TMEM114: variants seen among roughly 807,000 people sequenced by gnomAD.
TMEM114 encodes claudin-26.
In TMEM114, 6 loss-of-function variants were observed where a neutral mutation model predicts 6.2. The observed-to-expected ratio is 0.97, with a 90% CI of 0.53 to 1.91. The LOEUF (loss-of-function observed/expected upper bound fraction) is 1.91. Ranked by LOEUF, TMEM114 falls within the 40% of genes most tolerant of loss-of-function variation. The pLI, the probability that TMEM114 is intolerant of heterozygous loss-of-function variation, is 0.01. For synonymous variants in TMEM114, 104 were observed against 73.0 expected (o/e 1.42, Z -2.16); for missense variants, 218 against 158.3 (o/e 1.38, Z -2.02).
At chr16:8,580,542 A>T (rs1004709972) in intron 2 of TMEM114, among the ~76,000 whole-genome samples, 1 of 151,094 alleles carries the variant, frequency 6.6e-6, no homozygotes, top group African/African-American at 2.4e-5. Flanking sequence ...CCTCTTGGCC[A>T]CCCCAAGCCC....
downstream of TMEM114, among the ~76,000 whole-genome samples, chr16:8,566,782 A>G (rs1901560255): frequency 6.6e-6 from 1 of 151,326 alleles, no homozygotes; most frequent in Non-Finnish European, 1.5e-5. Context: ...CAGTTTCCCT[A>G]CCTACAGGTT....
In TMEM114 at chr16:8,569,643, G is replaced by T. The variant is rs1005704588; in HGVS notation, c.*130C>A. 1.4e-6 allele frequency: 2 copies of T among 1,439,014 alleles called. No homozygotes were observed. Among genetic ancestry groups the T allele is most frequent in the South Asian group, 1.5e-5 (1 of 67,528 alleles). The allele number at this position is 1,439,014 out of a possible 1,614,324, so 89.1% of individuals were successfully genotyped here. A position where few individuals can be genotyped will look rare whatever the true frequency, so the allele number is the denominator to read the frequency against. ...CCAAGCTTAGTCCGCGGGGATTTGTGGGGGAAGGAGGGGGGTGCCTGGCCT... is the reference window on the plus strand; with the variant it reads ...CCAAGCTTAGTCCGCGGGGATTTGTTGGGGAAGGAGGGGGGTGCCTGGCCT... On this transcript the variant is annotated 3_prime_UTR_variant, in exon 4 of 4. Transcript: ENST00000620492.
At chr16:8,536,129 G>A (rs1183996922), downstream of TMEM114, among the ~76,000 whole-genome samples, 2 of 151,822 alleles carry the variant, frequency 1.3e-5, no homozygotes, top group African/African-American at 2.4e-5. Flanking sequence ...GGAGGCTGAG[G>A]CAGGACAATC....
chr16:8,564,212 A>C (rs1252450267), intron 2 of TMEM114, among the ~76,000 whole-genome samples: 1 of 135,424 alleles, frequency 7.4e-6, no homozygotes, highest in Non-Finnish European at 1.6e-5. Context: ...TGGGTGAATG[A>C]GTGAGTTAGT....
chr16:8,536,659 T>A (rs544242779), downstream of TMEM114, among the ~76,000 whole-genome samples: 111 of 152,266 alleles, frequency 7.3e-4, 1 homozygote, highest in Middle Eastern at 3.4e-3. Context: ...TTTTTTTATT[T>A]TGGTTTGTTT....
rs985489025 is a variant in TMEM114 at position 8,570,008 on chromosome 16, G to A, written c.440-3C>T. On this transcript the variant is annotated splice_region_variant and splice_polypyrimidine_tract_variant and intron_variant, in intron 3 of 3. Coordinates refer to ENST00000620492, the MANE Select transcript of TMEM114 (RefSeq NM_001146336.2). ...GATCCCAGCGAGGGTCACCATGGCT[G>A]CAGGGAGGGCAAAGGGAGAGCAGAT... 33 of 1,547,276 alleles carry A rather than the reference G, an allele frequency of 2.1e-5. No homozygotes were observed. The highest frequency in any genetic ancestry group is 4.4e-6 in the Non-Finnish European group (5 of 1,144,356).
intron 2 of TMEM114, among the ~76,000 whole-genome samples, chr16:8,552,270 G>C (rs1900870740): frequency 6.6e-6 from 1 of 151,904 alleles, no homozygotes; most frequent in Admixed American, 6.6e-5. Context: ...TATAGTCCCA[G>C]CTACTACGGG....
chr16:8,581,163 G>A (rs753339849), intron 2 of TMEM114, among the ~76,000 whole-genome samples: 2 of 152,120 alleles, frequency 1.3e-5, no homozygotes, highest in Non-Finnish European at 2.9e-5. Flanking sequence ...GTTTCTTTGA[G>A]GGGGGATAAT....
At chr16:8,570,485 C>T (rs372136696) in intron 3 of TMEM114, among the ~76,000 whole-genome samples, 24 of 152,266 alleles carry the variant, frequency 1.6e-4, no homozygotes, top group African/African-American at 5.5e-4. Context: ...ATGCCCGCCA[C>T]CGCGCCCGGC....
chr16:8,587,596 A>G (rs1246749938), intron 2 of TMEM114, among the ~76,000 whole-genome samples: 1 of 152,334 alleles, frequency 6.6e-6, no homozygotes, highest in Middle Eastern at 3.4e-3. Flanking sequence ...GCTGGAAAGA[A>G]AGGAGTAAAG....
intron 2 of TMEM114, among the ~76,000 whole-genome samples, chr16:8,572,941 G>C (rs1024876102): frequency 2.6e-5 from 4 of 152,204 alleles, no homozygotes; most frequent in African/African-American, 9.7e-5. Flanking sequence ...TTTGGGGACA[G>C]CACTTGCTGA....
downstream of TMEM114, among the ~76,000 whole-genome samples, chr16:8,565,719 A>C (rs964029032): frequency 2.0e-5 from 3 of 152,144 alleles, no homozygotes; most frequent in African/African-American, 7.2e-5. Flanking sequence ...CAACAGACCT[A>C]AGGGTCTTAG....
Position 8,590,187 on chromosome 16 carries a change from A to C in TMEM114, c.-349T>G. The C allele has an allele frequency of 4.2e-6, 1 of 235,654 alleles. No homozygotes were observed. The highest frequency in any genetic ancestry group is 8.2e-6 in the Non-Finnish European group (1 of 122,254). The allele number at this position is 235,654 out of a possible 1,614,324, so 14.6% of individuals were successfully genotyped here. On this transcript the variant is annotated 5_prime_UTR_variant, in exon 1 of 4. Transcript: ENST00000620492. ...TCTAGTCCTTCCCCACCAGCACCTT[A>C]ACCCACCTCGTCCCTCAGCCCCACT...
intron 2 of TMEM114, among the ~76,000 whole-genome samples, chr16:8,585,446 C>A (rs1567211986): frequency 6.6e-6 from 1 of 152,136 alleles, no homozygotes; most frequent in Admixed American, 6.6e-5. Flanking sequence ...CATACACCCC[C>A]ACCAGGATTT....
chr16:8,547,246 G>C (rs1427895972), intron 2 of TMEM114, among the ~76,000 whole-genome samples: 2 of 152,164 alleles, frequency 1.3e-5, no homozygotes, highest in African/African-American at 4.8e-5. Flanking sequence ...GAGGAGTAAG[G>C]AAGGGCAGAA....
chr16:8,582,909 G>GGCAGGGAAGA (rs1902201512), intron 2 of TMEM114, among the ~76,000 whole-genome samples: 2 of 151,678 alleles, frequency 1.3e-5, no homozygotes, highest in African/African-American at 2.4e-5. Flanking sequence ...AGAAAGGAAG[G>GGCAGGGAAGA]GCAGGGAAGA....
At chr16:8,562,890 G>C (rs1178839027) in intron 2 of TMEM114, among the ~76,000 whole-genome samples, 4 of 149,106 alleles carry the variant, frequency 2.7e-5, no homozygotes, top group Non-Finnish European at 6.0e-5. Flanking sequence ...GGGAGGGAGG[G>C]AATGAGTGAA....
At chr16:8,567,387 T>G (rs1160229527), downstream of TMEM114, among the ~76,000 whole-genome samples, 1 of 152,224 alleles carries the variant, frequency 6.6e-6, no homozygotes, top group Non-Finnish European at 1.5e-5. Context: ...TGTAGGTATC[T>G]GGCAAGCATT....
intron 2 of TMEM114, among the ~76,000 whole-genome samples, chr16:8,554,689 A>AG (rs57831433): frequency 0.42 from 63,637 of 151,992 alleles, 13,715 homozygotes; most frequent in East Asian, 0.52. Flanking sequence ...CAGGTTCAAA[A>AG]TCCTGGAAAT....
Sources: gnomAD v4.1 joint callset for allele counts (sites outside exome capture counted in the v4.1 genomes callset) on GRCh38, gnomAD v4.1.1 for gene constraint, MANE v1.5 for transcripts, NCBI Gene and HGNC (gene_info 2026-07-23, HGNC 2026-07-21) for gene names.